NIBAN1: variants seen among roughly 807,000 people sequenced by gnomAD.
The protein encoded by NIBAN1 is niban apoptosis regulator 1, also known as protein Niban 1.
A neutral mutation model predicts 75.1 loss-of-function variants in NIBAN1; 81 were observed. The observed-to-expected ratio is 1.08, with a 90% CI of 0.90 to 1.30. The LOEUF (loss-of-function observed/expected upper bound fraction) is 1.30. Ranked by LOEUF, NIBAN1 falls within the 50% of genes most tolerant of loss-of-function variation. The pLI is 0.00. For missense variants in NIBAN1, 1,133 were observed against 1,128.1 expected (o/e 1.00, Z -0.06); for synonymous variants, 436 against 424.8 (o/e 1.03, Z -0.32).
In NIBAN1 at chr1:184,806,419, G is replaced by A. The variant is rs374786922; in HGVS notation, c.1336-363C>T. 8.2e-4 allele frequency among the ~76,000 whole-genome samples: 125 copies of A among 152,234 alleles called. 1 individual carries two copies. Among genetic ancestry groups the A allele is most frequent in the African/African-American group, 9.4e-4 (39 of 41,536 alleles). On this transcript the variant is annotated intron_variant, in intron 10 of 13. Coordinates refer to ENST00000367511, the MANE Select transcript of NIBAN1 (RefSeq NM_052966.4). ...CCTCCACTTTAAGTAGATGTAAACC[G>A]CTCCACAGCTTATCTCTCCCTCTCT...
intron 1 of NIBAN1, among the ~76,000 whole-genome samples, chr1:184,961,292 G>T (rs1217863842): frequency 6.7e-6 from 1 of 149,056 alleles, no homozygotes; most frequent in African/African-American, 2.5e-5. Flanking sequence ...GATGGTCTGG[G>T]TCTCCTGACC....
At chr1:184,811,055 T>C (rs1184484676) in intron 9 of NIBAN1, among the ~76,000 whole-genome samples, 1 of 152,208 alleles carries the variant, frequency 6.6e-6, no homozygotes, top group Non-Finnish European at 1.5e-5. Context: ...CGAGCAAGTT[T>C]CTGATCCAAA....
At chr1:184,804,721 T>C (rs1251114223) in intron 11 of NIBAN1, among the ~76,000 whole-genome samples, 1 of 152,120 alleles carries the variant, frequency 6.6e-6, no homozygotes, top group Admixed American at 6.5e-5. Flanking sequence ...TTTTTTTTTT[T>C]AGTTGCATTG....
intron 12 of NIBAN1, among the ~76,000 whole-genome samples, chr1:184,802,496 T>A (rs936189948): frequency 1.3e-5 from 2 of 152,144 alleles, no homozygotes; most frequent in Admixed American, 1.3e-4. Flanking sequence ...AGGCCAAAGG[T>A]CAATCCCTTG....
chr1:184,795,366 T>C lies in NIBAN1; in HGVS notation c.2398A>G (p.Ser800Gly), dbSNP rs767926297. Residue 800 changes from serine (S) to glycine (G), a missense_variant, in exon 14 of 14, where the codon AGT becomes GGT. Transcript: ENST00000367511. ...AGGGGCTCCTCGGTGAGCCCTCCAC[T>C]GGCTGGCGGAGAGGCTGGGCTGCCT... Reference protein sequence around the residue: ...EVGSPASPPASGGLTEEPLGP... With the variant: ...EVGSPASPPAGGGLTEEPLGP... 12 of 1,606,874 alleles carry C rather than the reference T, an allele frequency of 7.5e-6. No homozygotes were observed. Among genetic ancestry groups the C allele is most frequent in the Non-Finnish European group, 1.0e-5 (12 of 1,177,124 alleles).
chr1:184,931,298 C>T lies in NIBAN1; in HGVS notation c.56-31989G>A, dbSNP rs1321637693. ...TACAGGCGTGAGCCACCGCACCCAG[C>T]CCTCATTTTAACCTCTCTATATTGT... On this transcript the variant is annotated intron_variant, in intron 1 of 13. Coordinates refer to ENST00000367511, the MANE Select transcript of NIBAN1 (RefSeq NM_052966.4). 2.6e-5 allele frequency among the ~76,000 whole-genome samples: 4 copies of T among 152,200 alleles called. No homozygotes were observed. In the South Asian group the frequency reaches 6.2e-4, roughly 24 times the overall value.
At chr1:184,906,971 C>T (rs1011475834) in intron 1 of NIBAN1, among the ~76,000 whole-genome samples, 4 of 152,188 alleles carry the variant, frequency 2.6e-5, no homozygotes, top group African/African-American at 7.2e-5. Flanking sequence ...GATTATGCCT[C>T]GTTCCCCCAA....
intron 1 of NIBAN1, among the ~76,000 whole-genome samples, chr1:184,927,227 A>G (rs1312822455): frequency 6.6e-6 from 1 of 152,118 alleles, no homozygotes; most frequent in Non-Finnish European, 1.5e-5. Flanking sequence ...GATGTTCATC[A>G]GTGTCTGGGC....
At chr1:184,815,912 C>T (rs1654518148) in intron 9 of NIBAN1, among the ~76,000 whole-genome samples, 1 of 152,120 alleles carries the variant, frequency 6.6e-6, no homozygotes. Flanking sequence ...CATAATAGGC[C>T]CTACAGTAAA....
At chr1:184,884,878 G>T (rs1451859306) in intron 4 of NIBAN1, 78 bp from the exon 5 acceptor site, 3 of 1,516,120 alleles carry the variant, frequency 2.0e-6, no homozygotes, top group South Asian at 1.3e-5. Context: ...GGTCGTGAGG[G>T]TGACTATCTG....
chr1:184,877,265 A>G (rs954021018), intron 5 of NIBAN1, among the ~76,000 whole-genome samples: 3 of 152,190 alleles, frequency 2.0e-5, no homozygotes, highest in Admixed American at 2.0e-4. Context: ...AAAATTCCAT[A>G]TGGATAAAGT....
At chr1:184,891,957 T>G (rs1656677784) in intron 3 of NIBAN1, among the ~76,000 whole-genome samples, 1 of 152,208 alleles carries the variant, frequency 6.6e-6, no homozygotes, top group African/African-American at 2.4e-5. Flanking sequence ...CTTAACAATT[T>G]GAACAGGTTC....
intron 1 of NIBAN1, among the ~76,000 whole-genome samples, chr1:184,922,256 A>G (rs1406393232): frequency 6.6e-6 from 1 of 151,954 alleles, no homozygotes; most frequent in African/African-American, 2.4e-5. Flanking sequence ...CAAACAATCC[A>G]TTTATACTTA....
Position 184,792,640 on chromosome 1 carries a change from A to T in NIBAN1, c.*2337T>A, listed in dbSNP as rs1653729210. 6.5e-6 allele frequency: 1 copy of T among 152,674 alleles called. No homozygotes were observed. Among genetic ancestry groups the T allele is most frequent in the Non-Finnish European group, 1.5e-5 (1 of 68,064 alleles). 9.5% of individuals were successfully genotyped at this position (152,674 alleles called of 1,614,324 possible). A position where few individuals can be genotyped will look rare whatever the true frequency, so the allele number is the denominator to read the frequency against. On this transcript the variant is annotated 3_prime_UTR_variant, in exon 14 of 14. Transcript: ENST00000367511. Reference sequence around the variant, plus strand: ...GACTTTACTTAAGAGAAAACTCAACAAGGGCAGAAAGCCCAATTCAAAACG... The same window carrying T: ...GACTTTACTTAAGAGAAAACTCAACTAGGGCAGAAAGCCCAATTCAAAACG...
intron 5 of NIBAN1, among the ~76,000 whole-genome samples, chr1:184,839,112 C>T (rs764911057): frequency 6.6e-6 from 1 of 152,128 alleles, no homozygotes; most frequent in Admixed American, 6.5e-5. Context: ...CTTACACACA[C>T]ACAGTCTCTA....
At chr1:184,890,313 C>A in intron 3 of NIBAN1, 91 bp from the exon 4 acceptor site, 1 of 867,674 alleles carries the variant, frequency 1.2e-6, no homozygotes. Flanking sequence ...CAGATTCAGA[C>A]ATTCAGAGAT....
At chr1:184,842,756 C>A (rs1655328036) in intron 5 of NIBAN1, among the ~76,000 whole-genome samples, 1 of 135,680 alleles carries the variant, frequency 7.4e-6, no homozygotes, top group Admixed American at 7.4e-5. Flanking sequence ...AAAAGTGAAA[C>A]TCTGTCTCAA....
intron 6 of NIBAN1, among the ~76,000 whole-genome samples, chr1:184,827,048 C>T (rs1301857170): frequency 1.3e-5 from 2 of 152,106 alleles, no homozygotes; most frequent in East Asian, 3.8e-4. Context: ...AGGGGTTTCC[C>T]CTTTCATTTG....
At chr1:184,911,066 C>A (rs1657229029) in intron 1 of NIBAN1, among the ~76,000 whole-genome samples, 1 of 151,104 alleles carries the variant, frequency 6.6e-6, no homozygotes, top group Non-Finnish European at 1.5e-5. Flanking sequence ...AACAAATACA[C>A]ACACACACAC....
Sources: allele counts gnomAD v4.1 joint callset (sites outside exome capture counted in the v4.1 genomes callset), GRCh38; gene constraint gnomAD v4.1.1; transcripts MANE v1.5; gene names NCBI Gene and HGNC (gene_info 2026-07-23, HGNC 2026-07-21).